Variants in RBMS3 observed in about 807,000 individuals in gnomAD.
The protein encoded by RBMS3 is RNA-binding motif, single-stranded-interacting protein 3.
Under a neutral mutation model 66.8 loss-of-function variants are expected in RBMS3, and 27 were observed. The observed-to-expected ratio is 0.40, with a 90% CI of 0.30 to 0.56. The LOEUF is 0.56. Among genes scored for constraint, RBMS3 ranks in the 20% least tolerant of loss-of-function variants. RBMS3 has a pLI of 0.40. For synonymous variants in RBMS3, 188 were observed against 183.0 expected (o/e 1.03, Z -0.22); for missense variants, 513 against 549.5 (o/e 0.93, Z 0.66).
At chr3:29,889,306 G>A (rs578161315) in intron 8 of RBMS3, among the ~76,000 whole-genome samples, 3 of 151,592 alleles carry the variant, frequency 2.0e-5, no homozygotes, top group Admixed American at 6.6e-5. Context: ...CAGTAACTAC[G>A]TAATAATATA....
intron 3 of RBMS3, among the ~76,000 whole-genome samples, chr3:29,540,800 TG>T (rs1472186644): frequency 6.6e-6 from 1 of 152,178 alleles, no homozygotes; most frequent in African/African-American, 2.4e-5. Context: ...GGTTGATGTC[TG>T]GGAGCAGAAA....
chr3:29,911,097 C>A (rs888724058), intron 10 of RBMS3, among the ~76,000 whole-genome samples: 1 of 152,032 alleles, frequency 6.6e-6, no homozygotes. Flanking sequence ...AAGTTACTCA[C>A]TGTGGAGGGA....
At chr3:29,850,000 T>G (rs2149517358) in intron 6 of RBMS3, among the ~76,000 whole-genome samples, 1 of 152,344 alleles carries the variant, frequency 6.6e-6, no homozygotes, top group South Asian at 2.1e-4. Context: ...CCTTTTGCAC[T>G]TCTGGTAAAG....
At chr3:29,444,779 A>AAT (rs1242059999) in intron 2 of RBMS3, among the ~76,000 whole-genome samples, 1 of 83,234 alleles carries the variant, frequency 1.2e-5, no homozygotes, top group African/African-American at 3.8e-5. Context: ...TTCAAGCGGA[A>AAT]ATATATGCCT....
At chr3:29,830,875 C>A (rs1323835506) in intron 6 of RBMS3, among the ~76,000 whole-genome samples, 3 of 152,126 alleles carry the variant, frequency 2.0e-5, no homozygotes, top group Non-Finnish European at 2.9e-5. Flanking sequence ...GGGTGCTACA[C>A]TGTTACCTCA....
At chr3:29,440,644 G>T (rs938846912) in intron 2 of RBMS3, among the ~76,000 whole-genome samples, 4 of 152,206 alleles carry the variant, frequency 2.6e-5, no homozygotes, top group Admixed American at 2.6e-4. Flanking sequence ...ACAATGAAAA[G>T]CCAGAGGAAC....
intron 14 of RBMS3, chr3:29,991,457 G>A (rs758609373): frequency 8.4e-6 from 4 of 477,990 alleles, no homozygotes; most frequent in Non-Finnish European, 1.5e-5. Context: ...GCTTCTGGGT[G>A]TTGCTAGCTG....
chr3:29,412,541 A>G (rs2040308761), intron 1 of RBMS3, among the ~76,000 whole-genome samples: 2 of 152,180 alleles, frequency 1.3e-5, no homozygotes, highest in African/African-American at 4.8e-5. Flanking sequence ...AGGTTGATGA[A>G]TTACCCCTGA....
chr3:29,405,722 T>C (rs1166197769), intron 1 of RBMS3, among the ~76,000 whole-genome samples: 2 of 152,160 alleles, frequency 1.3e-5, no homozygotes, highest in Non-Finnish European at 2.9e-5. Flanking sequence ...ACCTAAAACA[T>C]GGGGGAAAAT....
rs776162475 is a variant in RBMS3, at chr3:29,434,885, C to G, written c.218C>G (p.Thr73Ser). The change falls in exon 2 of 15, where the codon ACT becomes AGT. Residue 73 changes from threonine to serine, a missense_variant. By Grantham distance (58) the Thr-to-Ser change is moderately conservative. Coordinates refer to ENST00000383767, the MANE Select transcript of RBMS3 (RefSeq NM_001003793.3). Reference protein sequence around the residue: ...LYIRGLPPGTTDQDLIKLCQP... With the variant: ...LYIRGLPPGTSDQDLIKLCQP... ...ATTCGAGGCCTCCCACCAGGCACCA[C>G]TGACCAGGACCTAATCAAGCTGTGC... The G allele has an allele frequency of 7.1e-5, 115 of 1,613,932 alleles. No homozygotes were observed. The highest frequency in any genetic ancestry group is 9.4e-5 in the Non-Finnish European group (111 of 1,179,950).
chr3:29,379,286 A>G (rs2038646131), intron 1 of RBMS3, among the ~76,000 whole-genome samples: 1 of 152,226 alleles, frequency 6.6e-6, no homozygotes. Context: ...GCTGTAATCC[A>G]ATAAATCTCC....
intron 12 of RBMS3, among the ~76,000 whole-genome samples, chr3:29,953,828 C>T (rs1695848118): frequency 1.3e-5 from 2 of 151,820 alleles, no homozygotes; most frequent in South Asian, 4.1e-4. Flanking sequence ...AAACACGAGT[C>T]TTCCCATTTA....
intron 3 of RBMS3, among the ~76,000 whole-genome samples, chr3:29,566,368 A>G (rs897908026): frequency 3.9e-5 from 6 of 152,114 alleles, no homozygotes; most frequent in Non-Finnish European, 8.8e-5. Flanking sequence ...AAAAGCCTCA[A>G]TGTGGCCAAA....
intron 4 of RBMS3, among the ~76,000 whole-genome samples, chr3:29,673,996 A>T (rs2051124591): frequency 6.6e-6 from 1 of 152,216 alleles, no homozygotes; most frequent in Non-Finnish European, 1.5e-5. Flanking sequence ...TCGATGCAAA[A>T]ATCCTCAATA....
chr3:29,765,026 G>A (rs1012007717), intron 6 of RBMS3, among the ~76,000 whole-genome samples: 7 of 152,016 alleles, frequency 4.6e-5, no homozygotes, highest in African/African-American at 1.4e-4. Flanking sequence ...ATCATCATCA[G>A]TGCTTGAATC....
At chr3:29,622,443 G>T (rs1054454591) in intron 4 of RBMS3, among the ~76,000 whole-genome samples, 1 of 152,136 alleles carries the variant, frequency 6.6e-6, no homozygotes, top group Non-Finnish European at 1.5e-5. Flanking sequence ...TTTATAATAT[G>T]AATCTAAATA....
intron 12 of RBMS3, among the ~76,000 whole-genome samples, chr3:29,986,411 C>T (rs755511170): frequency 5.9e-5 from 9 of 152,100 alleles, no homozygotes; most frequent in East Asian, 3.8e-4. Context: ...CTGTAAAACA[C>T]GATTTCTCAG....
At chr3:29,838,168 C>T (rs761880281) in intron 6 of RBMS3, among the ~76,000 whole-genome samples, 1 of 100,510 alleles carries the variant, frequency 9.9e-6, no homozygotes, top group Non-Finnish European at 2.0e-5. Flanking sequence ...GAGACCTCAT[C>T]TCTACAAAAA....
chr3:29,517,199 C>T (rs919087185), intron 3 of RBMS3, among the ~76,000 whole-genome samples: 5 of 148,990 alleles, frequency 3.4e-5, no homozygotes, highest in South Asian at 4.2e-4. Context: ...GGCGACACAG[C>T]GAGACCATGT....
Sources: gnomAD v4.1 joint callset for allele counts (sites outside exome capture counted in the v4.1 genomes callset) on GRCh38, gnomAD v4.1.1 for gene constraint, MANE v1.5 for transcripts, NCBI Gene and HGNC (gene_info 2026-07-23, HGNC 2026-07-21) for gene names.